DYNC2H1: variants seen among roughly 807,000 people sequenced by gnomAD.
The protein encoded by DYNC2H1 is dynein cytoplasmic 2 heavy chain 1.
A neutral mutation model predicts 570.0 loss-of-function variants in DYNC2H1; 410 were observed. That is an observed-to-expected ratio of 0.72 (90% CI 0.66 to 0.78). The LOEUF (loss-of-function observed/expected upper bound fraction) is 0.78, where lower values mean the gene tolerates loss of function less well. DYNC2H1 is among the 30% of genes least tolerant of loss of function. The probability of loss-of-function intolerance (pLI) is 0.00; values close to 1 mark genes in which losing one functional copy is unlikely to be tolerated. For synonymous variants in DYNC2H1, 1,688 were observed against 1,677.6 expected (o/e 1.01, Z -0.15); for missense variants, 4,865 against 5,046.4 (o/e 0.96, Z 1.09).
intron 83 of DYNC2H1, among the ~76,000 whole-genome samples, chr11:103,392,905 T>C (rs2435913): frequency 0.67 from 101,424 of 150,666 alleles, 34,194 homozygotes; most frequent in Admixed American, 0.73. Context: ...TTTTTTGAAA[T>C]GGAGTTTCGC....
At chr11:103,195,467 A>G (rs954078184) in intron 47 of DYNC2H1, among the ~76,000 whole-genome samples, 8 of 152,208 alleles carry the variant, frequency 5.3e-5, no homozygotes, top group African/African-American at 1.4e-4. Flanking sequence ...AAAATTGGTA[A>G]CATGGGTCTA....
In DYNC2H1 at chr11:103,326,134, A is replaced by G. The variant is rs1938459503; in HGVS notation, c.12039+2144A>G. 6.6e-6 allele frequency among the ~76,000 whole-genome samples: 1 copy of G among 152,122 alleles called. No homozygotes were observed. Among genetic ancestry groups the G allele is most frequent in the Admixed American group, 6.5e-5 (1 of 15,270 alleles). On this transcript the variant is annotated intron_variant, in intron 82 of 88. Transcript: ENST00000375735. This position sits in a 1 kb window ranked among gnomAD's most constrained non-coding sequence, Gnocchi z 6.1. ...GTGTTGTAGTTTGGGCTTCAGTCCA[A>G]TAGATGGCGCTTAGGAGTAGTGGCT...
At position 103,268,053 on chromosome 11, in the gene DYNC2H1, T is replaced by C. The variant is rs1865576246; in HGVS notation, c.10695+8076T>C. Reference sequence around the variant, plus strand: ...ACATGACTATAGTGAATATCCTATATGGTACACTTATTTTTATGTATAGTA... The same window carrying C: ...ACATGACTATAGTGAATATCCTATACGGTACACTTATTTTTATGTATAGTA... On this transcript the variant is annotated intron_variant, in intron 70 of 88. Coordinates refer to ENST00000375735, the MANE Select transcript of DYNC2H1 (RefSeq NM_001377.3). This position sits in a 1 kb window ranked among gnomAD's most constrained non-coding sequence, Gnocchi z 4.6. Among the ~76,000 whole-genome samples, 1 of 151,994 alleles carries C rather than the reference T, an allele frequency of 6.6e-6. No homozygotes were observed. Among genetic ancestry groups the C allele is most frequent in the Admixed American group, 6.5e-5 (1 of 15,274 alleles).
At chr11:103,149,738 A>C (rs548398716) in intron 20 of DYNC2H1, among the ~76,000 whole-genome samples, 4 of 152,148 alleles carry the variant, frequency 2.6e-5, no homozygotes, top group Admixed American at 1.3e-4. Context: ...CTGTGAACAT[A>C]TTCTATTCTC....
chr11:103,475,141 T>C (rs1179636666), intron 88 of DYNC2H1, among the ~76,000 whole-genome samples: 1 of 152,196 alleles, frequency 6.6e-6, no homozygotes, highest in Non-Finnish European at 1.5e-5. Flanking sequence ...TGAACAGAAC[T>C]GGACCAGTTT....
At chr11:103,136,984 G>T (rs2134788370) in intron 17 of DYNC2H1, among the ~76,000 whole-genome samples, 1 of 151,636 alleles carries the variant, frequency 6.6e-6, no homozygotes, top group African/African-American at 2.4e-5. Flanking sequence ...CGGTGATGGT[G>T]AGCATTTTTT....
At chr11:103,142,979 G>T (rs1860037127) in intron 17 of DYNC2H1, among the ~76,000 whole-genome samples, 1 of 152,180 alleles carries the variant, frequency 6.6e-6, no homozygotes, top group Admixed American at 6.5e-5. Flanking sequence ...TGATTTTGCA[G>T]AAATGATTCC....
intron 80 of DYNC2H1, among the ~76,000 whole-genome samples, chr11:103,318,283 G>A (rs1937974077): frequency 6.6e-6 from 1 of 152,082 alleles, no homozygotes; most frequent in South Asian, 2.1e-4. Context: ...CTCATGTAAT[G>A]TTGCCTTTCA....
intron 75 of DYNC2H1, among the ~76,000 whole-genome samples, chr11:103,297,886 G>A (rs909540604): frequency 3.3e-5 from 5 of 152,038 alleles, no homozygotes; most frequent in Non-Finnish European, 5.9e-5. Flanking sequence ...TTGTCTCTAT[G>A]TTTAGAGTAT....
chr11:103,344,307 G>A (rs767075100), intron 82 of DYNC2H1, among the ~76,000 whole-genome samples: 2 of 152,098 alleles, frequency 1.3e-5, no homozygotes, highest in Admixed American at 6.5e-5. Context: ...AGACATTTTC[G>A]TATTGTATAG....
intron 83 of DYNC2H1, among the ~76,000 whole-genome samples, chr11:103,394,478 C>G (rs893699087): frequency 1.3e-5 from 2 of 151,966 alleles, no homozygotes; most frequent in East Asian, 3.9e-4. Flanking sequence ...AATACTACCC[C>G]ATTTTATATA....
chr11:103,240,815 A>G (rs1431598062), intron 63 of DYNC2H1, among the ~76,000 whole-genome samples: 1 of 152,088 alleles, frequency 6.6e-6, no homozygotes, highest in Non-Finnish European at 1.5e-5. Context: ...TATTTTAGTG[A>G]TTTCCCATTG....
chr11:103,280,207 G>A lies in DYNC2H1; in HGVS notation c.10696-141G>A. The A allele has an allele frequency of 1.3e-6, 1 of 777,406 alleles. No homozygotes were observed. Among genetic ancestry groups the A allele is most frequent in the Non-Finnish European group, 2.1e-6 (1 of 482,622 alleles). 48.2% of individuals were successfully genotyped at this position (777,406 alleles called of 1,614,324 possible). ...GTCTCTAAGATGTAGAAAGCAATCT[G>A]AATAGTAATTTCTTACATCGATAAA... On this transcript the variant is annotated intron_variant, in intron 70 of 88. Transcript: ENST00000375735. This position sits in a 1 kb window ranked among gnomAD's most constrained non-coding sequence, Gnocchi z 4.7.
At chr11:103,450,684 A>G (rs992590637) in intron 85 of DYNC2H1, among the ~76,000 whole-genome samples, 5 of 152,230 alleles carry the variant, frequency 3.3e-5, no homozygotes, top group African/African-American at 1.2e-4. Context: ...GCACATTGAG[A>G]AGAATGATCG....
At chr11:103,287,150 T>C (rs1866384256) in intron 74 of DYNC2H1, among the ~76,000 whole-genome samples, 1 of 152,100 alleles carries the variant, frequency 6.6e-6, no homozygotes, top group African/African-American at 2.4e-5. Flanking sequence ...TCTATTTTTT[T>C]TTTAAACGTA....
chr11:103,404,570 T>A (rs1942780934), intron 84 of DYNC2H1: 2 of 145,104 alleles, frequency 1.4e-5, no homozygotes, highest in African/African-American at 5.1e-5. Flanking sequence ...GGAAGTGCTG[T>A]GGGGAAAAGA....
At chr11:103,441,649 T>C (rs897653458) in intron 85 of DYNC2H1, among the ~76,000 whole-genome samples, 3 of 152,174 alleles carry the variant, frequency 2.0e-5, no homozygotes, top group East Asian at 3.8e-4. Flanking sequence ...AAATCTCTTT[T>C]TTCCAATCAT....
At chr11:103,367,890 T>G (rs921581687) in intron 83 of DYNC2H1, among the ~76,000 whole-genome samples, 2 of 152,150 alleles carry the variant, frequency 1.3e-5, no homozygotes, top group Non-Finnish European at 2.9e-5. Context: ...TTTGGCTTAT[T>G]TCACTTAATG....
rs1309804430 is a variant in DYNC2H1, at chr11:103,244,731, T to C, written c.9919-520T>C. Among the ~76,000 whole-genome samples the C allele has an allele frequency of 6.7e-6, 1 of 148,260 alleles. No homozygotes were observed. ...CTATACTATATATCTTATATACATA[T>C]AAGTATATAAATATACTATATATAT... is the stretch of plus-strand genomic sequence containing the variant. On this transcript the variant is annotated intron_variant, in intron 64 of 88. Coordinates refer to ENST00000375735, the MANE Select transcript of DYNC2H1 (RefSeq NM_001377.3). This position sits in a 1 kb window ranked among gnomAD's most constrained non-coding sequence, Gnocchi z 4.3.
Sources: allele counts gnomAD v4.1 joint callset (sites outside exome capture counted in the v4.1 genomes callset), GRCh38; gene constraint gnomAD v4.1.1; non-coding constraint Gnocchi (gnomAD v3.1); transcripts MANE v1.5; gene names NCBI Gene and HGNC (gene_info 2026-07-23, HGNC 2026-07-21).